The following ZNF398 variants were observed in gnomAD, a reference collection of about 807,000 sequenced individuals.
The protein encoded by ZNF398 is zinc finger protein 398.
Under a neutral mutation model 41.9 loss-of-function variants are expected in ZNF398, and 18 were observed. That is an observed-to-expected ratio of 0.43 (90% CI 0.30 to 0.64). The LOEUF (loss-of-function observed/expected upper bound fraction) is 0.64, where lower values mean the gene tolerates loss of function less well. Among genes scored for constraint, ZNF398 ranks in the 30% least tolerant of loss-of-function variants. The pLI, the probability that ZNF398 is intolerant of heterozygous loss-of-function variation, is 0.14. For synonymous variants in ZNF398, 260 were observed against 308.8 expected (o/e 0.84, Z 1.66); for missense variants, 669 against 822.8 (o/e 0.81, Z 2.29).
chr7:149,148,681 G>A (rs13236754), intron 1 of ZNF398, among the ~76,000 whole-genome samples: 81,650 of 151,818 alleles, frequency 0.54, 25,467 homozygotes, highest in East Asian at 0.9. Context: ...ATGATCCTGT[G>A]TTGTGCCAGT....
chr7:149,164,189 C>A (rs1439277747), intron 2 of ZNF398, among the ~76,000 whole-genome samples: 1 of 151,354 alleles, frequency 6.6e-6, no homozygotes, highest in Non-Finnish European at 1.5e-5. Flanking sequence ...GGGCAGATCA[C>A]AAGGTCAGGA....
At chr7:149,143,970 A>C (rs10261475), upstream of ZNF398, among the ~76,000 whole-genome samples, 7,016 of 152,298 alleles carry the variant, frequency 0.046, 518 homozygotes, top group African/African-American at 0.16. Flanking sequence ...TTAGTACAAC[A>C]ACCTTACATC....
rs776559918 is a variant in ZNF398 at position 149,151,272 on chromosome 7, T to G, written c.25-2673T>G. 10 of 1,251,982 alleles carry G rather than the reference T, an allele frequency of 8.0e-6. No individual in the cohort carries two copies. The South Asian group carries it at 1.3e-4, about 17-fold the overall frequency. The allele number at this position is 1,251,982 out of a possible 1,614,324, so 77.6% of individuals were successfully genotyped here. On this transcript the variant is annotated intron_variant, in intron 1 of 5. Coordinates refer to ENST00000475153, the MANE Select transcript of ZNF398 (RefSeq NM_170686.3). ...ATTGGACTGATTCAAGGCCGGAGGT[T>G]AGCTGAGCAGGTGAGGCAGAAAGAC...
At chr7:149,133,138 T>TA (rs1043854146) in intron 2 of ZNF398, among the ~76,000 whole-genome samples, 1 of 151,274 alleles carries the variant, frequency 6.6e-6, no homozygotes, top group Admixed American at 6.6e-5. Flanking sequence ...TTTTTCTTGA[T>TA]AGAGTTTCAC....
chr7:149,171,818 C>T (rs1795348586), intron 4 of ZNF398, among the ~76,000 whole-genome samples: 1 of 152,138 alleles, frequency 6.6e-6, no homozygotes, highest in Non-Finnish European at 1.5e-5. Context: ...TAGGCTCAAA[C>T]CACCACACCT....
upstream of ZNF398, among the ~76,000 whole-genome samples, chr7:149,142,675 C>A (rs189760412): frequency 9.8e-3 from 1,488 of 152,168 alleles, 29 homozygotes; most frequent in African/African-American, 0.034. Context: ...TAAAAACAAA[C>A]AAACAAACAA....
chr7:149,142,915 C>A (rs1826858489), upstream of ZNF398, among the ~76,000 whole-genome samples: 1 of 152,144 alleles, frequency 6.6e-6, no homozygotes, highest in Non-Finnish European at 1.5e-5. Flanking sequence ...TGAGCACAAG[C>A]ACACTATAGT....
intron 4 of ZNF398, among the ~76,000 whole-genome samples, chr7:149,169,948 A>G (rs1045514244): frequency 1.3e-5 from 2 of 152,200 alleles, no homozygotes; most frequent in South Asian, 4.1e-4. Flanking sequence ...GCAGGAAACC[A>G]GGGACAGGCT....
At chr7:149,131,230 C>T (rs73477922) in intron 2 of ZNF398, among the ~76,000 whole-genome samples, 1,551 of 152,114 alleles carry the variant, frequency 0.01, 20 homozygotes, top group African/African-American at 0.036. Flanking sequence ...TTTGGATTTC[C>T]CTAGTTGCTA....
At chr7:149,162,858 G>A (rs1458101852) in intron 2 of ZNF398, among the ~76,000 whole-genome samples, 2 of 149,586 alleles carry the variant, frequency 1.3e-5, no homozygotes, top group Non-Finnish European at 3.0e-5. Context: ...AGGAGTTTGA[G>A]ACTAGCCTGG....
intron 4 of ZNF398, among the ~76,000 whole-genome samples, chr7:149,170,866 T>C (rs1193330178): frequency 6.6e-6 from 1 of 152,126 alleles, no homozygotes; most frequent in African/African-American, 2.4e-5. Context: ...CTGTAGACTT[T>C]ATAAACACTG....
chr7:149,164,687 A>G (rs1393998164), intron 2 of ZNF398, among the ~76,000 whole-genome samples: 3 of 152,254 alleles, frequency 2.0e-5, no homozygotes, highest in Non-Finnish European at 4.4e-5. Context: ...AGAAGGTTGT[A>G]AAAGACTTCT....
At chr7:149,159,844 C>G (rs1795067924) in intron 2 of ZNF398, among the ~76,000 whole-genome samples, 1 of 151,986 alleles carries the variant, frequency 6.6e-6, no homozygotes, top group Non-Finnish European at 1.5e-5. Flanking sequence ...TCTCGTGTCT[C>G]AGTCCCGAGT....
In ZNF398 at chr7:149,182,871, A is replaced by G. The variant is rs975883159; in HGVS notation, c.*3070A>G. The G allele has an allele frequency of 2.0e-5, 3 of 152,138 alleles. No homozygotes were observed. The highest frequency in any genetic ancestry group is 7.2e-5 in the African/African-American group (3 of 41,418). 9.4% of individuals were successfully genotyped at this position (152,138 alleles called of 1,614,324 possible). ...AACTCCTACTTCCCTTTTCATTAAT[A>G]ATGTGTGCAAGTTTCCTATTAGCGG... On this transcript the variant is annotated 3_prime_UTR_variant, in exon 6 of 6. Coordinates refer to ENST00000475153, the MANE Select transcript of ZNF398 (RefSeq NM_170686.3).
chr7:149,176,174 CAA>C (rs1795457261), intron 4 of ZNF398, among the ~76,000 whole-genome samples: 1 of 151,566 alleles, frequency 6.6e-6, no homozygotes, highest in African/African-American at 2.4e-5. Context: ...CTACTAAAAA[CAA>C]AAAAATTTAA....
intron 1 of ZNF398, chr7:149,148,561 G>C: frequency 5.9e-6 from 5 of 850,192 alleles, no homozygotes; most frequent in Non-Finnish European, 7.1e-6. Flanking sequence ...GGAAAAGGAG[G>C]AAGAGCAGCG....
At chr7:149,141,954 GCTGTT>G (rs1408559755) in intron 2 of ZNF398, among the ~76,000 whole-genome samples, 1 of 152,064 alleles carries the variant, frequency 6.6e-6, no homozygotes, top group Non-Finnish European at 1.5e-5. Context: ...ATCCATGAAG[GCTGTT>G]TTTGTTTAAG....
In ZNF398 at chr7:149,155,707, AT is replaced by A. The variant is rs1359986695; in HGVS notation, c.420+1389del. 2.0e-3 allele frequency among the ~76,000 whole-genome samples: 147 copies of A among 73,480 alleles called. 1 individual carries two copies. The highest frequency in any genetic ancestry group is 3.8e-3 in the Admixed American group (23 of 6,004). The allele number at this position is 73,480 out of a possible 152,430, so 48.2% of individuals were successfully genotyped here. ...GTTATATATATATATATATATATAT[AT>A]TTTTTTTTTTTTTTTTTTTTTAATT... On this transcript the variant is annotated intron_variant, in intron 2 of 5. Coordinates refer to ENST00000475153, the MANE Select transcript of ZNF398 (RefSeq NM_170686.3).
chr7:149,176,866 C>T (rs115478123), intron 5 of ZNF398, among the ~76,000 whole-genome samples: 99 of 151,938 alleles, frequency 6.5e-4, no homozygotes, highest in Non-Finnish European at 1.1e-3. Context: ...AGACAGAAGA[C>T]GATTTGAAAA....
Sources: allele counts gnomAD v4.1 joint callset (sites outside exome capture counted in the v4.1 genomes callset), GRCh38; gene constraint gnomAD v4.1.1; transcripts MANE v1.5; gene names NCBI Gene and HGNC (gene_info 2026-07-23, HGNC 2026-07-21).